The following NHSL1 variants were observed in gnomAD, a reference collection of about 807,000 sequenced individuals.
The protein encoded by NHSL1 is NHS like 1, also known as NHS-like protein 1.
A neutral mutation model predicts 95.0 loss-of-function variants in NHSL1; 48 were observed. The observed-to-expected ratio is 0.51, with a 90% CI of 0.40 to 0.64. The LOEUF is 0.64. Ranked by LOEUF, NHSL1 falls within the 30% of genes least tolerant of loss-of-function variation. The pLI is 0.00. For missense variants in NHSL1, 1,971 were observed against 2,077.7 expected (o/e 0.95, Z 1.00); for synonymous variants, 783 against 833.9 (o/e 0.94, Z 1.05).
Position 138,424,255 on chromosome 6 carries a change from T to A in NHSL1, c.4647A>T (p.Gly1549=), listed in dbSNP as rs981653520. The A allele has an allele frequency of 4.0e-6, 6 of 1,503,482 alleles. No homozygotes were observed. The South Asian group carries it at 7.8e-5, about 19-fold the overall frequency. The allele number at this position is 1,503,482 out of a possible 1,614,324, so 93.1% of individuals were successfully genotyped here. Reference sequence around the variant, plus strand: ...CCCTCGCCAGTCCGTCCAGGGAACATCCCTCCGCAGCGCCCAGAGCCCCGC... The same window carrying A: ...CCCTCGCCAGTCCGTCCAGGGAACAACCCTCCGCAGCGCCCAGAGCCCCGC... ...IARGALGAAE[G]CSLDGLAREE... The change falls in exon 8 of 8, where the codon GGA becomes GGT. Residue 1549 remains glycine (G), a synonymous_variant. Transcript: ENST00000343505. This position sits in a 1 kb window ranked among gnomAD's most constrained non-coding sequence, Gnocchi z 5.9.
chr6:138,674,369 G>A (rs575125746), intron 1 of NHSL1, among the ~76,000 whole-genome samples: 253 of 152,016 alleles, frequency 1.7e-3, no homozygotes, highest in African/African-American at 5.9e-3. Context: ...GGTTTGTTAC[G>A]TAGGTAAGCA....
At chr6:138,452,993 C>A (rs931461564) in intron 3 of NHSL1, among the ~76,000 whole-genome samples, 2 of 152,078 alleles carry the variant, frequency 1.3e-5, no homozygotes, top group African/African-American at 4.8e-5. Flanking sequence ...TCTTTTGAGA[C>A]GGAGTCTCAC....
At chr6:138,467,106 T>C (rs1387005090) in intron 3 of NHSL1, among the ~76,000 whole-genome samples, 1 of 152,128 alleles carries the variant, frequency 6.6e-6, no homozygotes, top group Admixed American at 6.6e-5. Context: ...ACTATGCTAC[T>C]GGTTTATGTA....
intron 1 of NHSL1, chr6:138,650,276 T>C (rs1785072858): frequency 4.5e-6 from 3 of 663,284 alleles, no homozygotes; most frequent in South Asian, 1.4e-5. Context: ...GGCTGGAGCC[T>C]TGGAAGAGCT....
At chr6:138,500,507 C>T (rs1407796182), upstream of NHSL1, among the ~76,000 whole-genome samples, 1 of 152,218 alleles carries the variant, frequency 6.6e-6, no homozygotes, top group Non-Finnish European at 1.5e-5. Flanking sequence ...ACTTCATGGC[C>T]AAACACTTTT....
At chr6:138,437,100 T>C (rs534687589) in intron 5 of NHSL1, among the ~76,000 whole-genome samples, 1 of 151,848 alleles carries the variant, frequency 6.6e-6, no homozygotes, top group South Asian at 2.1e-4. Context: ...AAAGAAACCC[T>C]GTCTCTACTA....
At chr6:138,500,605 A>G (rs1780622121), upstream of NHSL1, among the ~76,000 whole-genome samples, 1 of 152,236 alleles carries the variant, frequency 6.6e-6, no homozygotes, top group African/African-American at 2.4e-5. Context: ...AATTCAAAAC[A>G]TTTAGTTTAT....
rs140144877 is a variant in NHSL1 at position 138,672,910 on chromosome 6, G to A, written c.96+19566C>T. Among the ~76,000 whole-genome samples, 1,228 of 152,120 alleles carry A rather than the reference G, an allele frequency of 8.1e-3. 15 individuals carry two copies. Among genetic ancestry groups the A allele is most frequent in the African/African-American group, 0.025 (1,047 of 41,472 alleles). On this transcript the variant is annotated intron_variant, in intron 1 of 3. Coordinates refer to the NHSL1 transcript ENST00000491526. Reference sequence around the variant, plus strand: ...CACGCACTTGTAGTCCCAGCTACTCGGGCGGCTGAGGCAGGAAAATTGCTT... The same window carrying A: ...CACGCACTTGTAGTCCCAGCTACTCAGGCGGCTGAGGCAGGAAAATTGCTT...
intron 1 of NHSL1, among the ~76,000 whole-genome samples, chr6:138,586,727 G>T (rs1166498283): frequency 2.0e-5 from 3 of 152,160 alleles, no homozygotes; most frequent in African/African-American, 7.2e-5. Flanking sequence ...TGAAAGAGGG[G>T]ATGATCAGTA....
chr6:138,623,874 A>T (rs946440788), intron 1 of NHSL1, among the ~76,000 whole-genome samples: 2 of 152,134 alleles, frequency 1.3e-5, no homozygotes, highest in Admixed American at 1.3e-4. Context: ...ATAGTGAGTG[A>T]GTCTCAAGAG....
chr6:138,621,969 T>C (rs2114630493), intron 1 of NHSL1, among the ~76,000 whole-genome samples: 1 of 152,196 alleles, frequency 6.6e-6, no homozygotes, highest in East Asian at 1.9e-4. Context: ...CTCTGCACAA[T>C]GAGAATAATG....
At chr6:138,634,955 G>A (rs528566302) in intron 1 of NHSL1, among the ~76,000 whole-genome samples, 2 of 151,778 alleles carry the variant, frequency 1.3e-5, no homozygotes, top group South Asian at 4.2e-4. Flanking sequence ...GGTCAATGAA[G>A]CAATTAAGAA....
At position 138,513,903 on chromosome 6, in the gene NHSL1, C is replaced by T. The variant is rs186478437; in HGVS notation, c.17-17532G>A. On this transcript the variant is annotated intron_variant, in intron 1 of 4. Coordinates refer to the NHSL1 transcript ENST00000342260. ...CAGAGGCCATGGCTCACTGAACCTA[C>T]AGCAACAAGGTGCCCAGTGCCAGGT... 5.6e-4 allele frequency among the ~76,000 whole-genome samples: 86 copies of T among 152,300 alleles called. No individual in the cohort carries two copies. The South Asian group carries it at 8.1e-3, about 14-fold the overall frequency.
At position 138,430,294 on chromosome 6, in the gene NHSL1, C is replaced by A; in HGVS notation, c.3952+99G>T. 6 of 1,384,158 alleles carry A rather than the reference C, an allele frequency of 4.3e-6. No homozygotes were observed. In the South Asian group the frequency reaches 1.2e-4, roughly 27 times the overall value. The allele number at this position is 1,384,158 out of a possible 1,614,324, so 85.7% of individuals were successfully genotyped here. On this transcript the variant is annotated intron_variant, in intron 6 of 7. Transcript: ENST00000343505. This position sits in a 1 kb window ranked among gnomAD's most constrained non-coding sequence, Gnocchi z 4.7. ...CTAGCTTTAACAGGAATCTGATCTA[C>A]CTGGGTTCTTTCCACGTGTGAGCAT...
chr6:138,683,976 C>T (rs1391209856), intron 1 of NHSL1, among the ~76,000 whole-genome samples: 1 of 152,142 alleles, frequency 6.6e-6, no homozygotes. Flanking sequence ...TTTGGGAGGC[C>T]AAGGCGAGCA....
chr6:138,682,456 T>C (rs543177706), intron 1 of NHSL1, among the ~76,000 whole-genome samples: 2 of 152,318 alleles, frequency 1.3e-5, no homozygotes, highest in African/African-American at 4.8e-5. Context: ...GCAATTTAAA[T>C]TGGCGATTTG....
At chr6:138,522,748 C>T (rs1426923835) in intron 1 of NHSL1, among the ~76,000 whole-genome samples, 1 of 152,034 alleles carries the variant, frequency 6.6e-6, no homozygotes, top group African/African-American at 2.4e-5. Flanking sequence ...GCGGCTGAGG[C>T]TGCAGTGAGC....
At chr6:138,486,070 T>A (rs1163748832) in intron 2 of NHSL1, among the ~76,000 whole-genome samples, 1 of 152,070 alleles carries the variant, frequency 6.6e-6, no homozygotes, top group African/African-American at 2.4e-5. Flanking sequence ...CCTCCGACCC[T>A]CCGCTTTGCC....
exon 1 of NHSL1, chr6:138,572,120 G>A (rs1300010774): frequency 1.9e-6 from 1 of 539,986 alleles, no homozygotes; most frequent in South Asian, 2.6e-5. Context: ...AAAGAAAAAT[G>A]TTTTACCCTA....
Sources: allele counts gnomAD v4.1 joint callset (sites outside exome capture counted in the v4.1 genomes callset), GRCh38; gene constraint gnomAD v4.1.1; non-coding constraint Gnocchi (gnomAD v3.1); transcripts MANE v1.5; gene names NCBI Gene and HGNC (gene_info 2026-07-23, HGNC 2026-07-21).